Variants in ETS1 observed in about 807,000 individuals in gnomAD.
ETS1 encodes protein C-ets-1.
ETS1 carries 15 observed loss-of-function variants against 58.6 expected under a neutral mutation model. That is an observed-to-expected ratio of 0.26 (90% CI 0.17 to 0.39). ETS1 has a LOEUF of 0.39. Among genes scored for constraint, ETS1 ranks in the 10% least tolerant of loss-of-function variants. ETS1 has a pLI of 1.00. For missense variants in ETS1, 417 were observed against 610.5 expected, an observed-to-expected ratio of 0.68 and a Z score of 3.34; for synonymous variants, 214 against 218.2, an observed-to-expected ratio of 0.98 and a Z score of 0.17.
chr11:128,538,716 T>C (rs1864007438), intron 3 of ETS1, among the ~76,000 whole-genome samples: 1 of 151,596 alleles, frequency 6.6e-6, no homozygotes, highest in Non-Finnish European at 1.5e-5. Flanking sequence ...ACTGGTAGTT[T>C]TATTCAGGTG....
At chr11:128,513,003 G>A (rs556299802) in intron 3 of ETS1, among the ~76,000 whole-genome samples, 92 of 152,350 alleles carry the variant, frequency 6.0e-4, no homozygotes, top group African/African-American at 2.1e-3. Flanking sequence ...AACGGCTCAT[G>A]GAAAAGGGAA....
chr11:128,490,304 G>A (rs574303959), intron 4 of ETS1, among the ~76,000 whole-genome samples, 153 bp downstream of exon 4: 1 of 152,202 alleles, frequency 6.6e-6, no homozygotes, highest in Non-Finnish European at 1.5e-5. Flanking sequence ...CAGTATGTGT[G>A]TCATGATTGT....
chr11:128,585,213 A>AGAAAGAAAGAAAGAAAGAAAGAAAGAAG (rs1865001580), intron 1 of ETS1, among the ~76,000 whole-genome samples: 1 of 139,822 alleles, frequency 7.2e-6, no homozygotes, highest in Admixed American at 6.9e-5. Context: ...AAAGAAAGAA[A>AGAAAGAAAGAAAGAAAGAAAGAAAGAAG]GAAAGAAAGA....
chr11:128,477,497 C>T (rs531872982), intron 8 of ETS1, among the ~76,000 whole-genome samples: 18 of 152,290 alleles, frequency 1.2e-4, no homozygotes, highest in Admixed American at 2.0e-4. Flanking sequence ...ACATTTCATC[C>T]GCTTCCCTAT....
At chr11:128,536,222 T>G (rs1357757355) in intron 3 of ETS1, among the ~76,000 whole-genome samples, 1 of 152,208 alleles carries the variant, frequency 6.6e-6, no homozygotes, top group African/African-American at 2.4e-5. Flanking sequence ...CATGTATACA[T>G]GTATACAAAG....
chr11:128,480,224 C>T lies in ETS1; in HGVS notation c.1090G>A (p.Val364Ile), dbSNP rs1178328464. 1 of 1,614,076 alleles carries T rather than the reference C, an allele frequency of 6.2e-7. No homozygotes were observed. The highest frequency in any genetic ancestry group is 1.1e-5 in the South Asian group (1 of 91,084). ...DRADLNKDKP[V>I]IPAAALAGYT... is the part of the protein sequence containing the mutation. ...CCAGCTAGGGCAGCAGCAGGAATGA[C>T]AGGCTTGTCCTTATTGAGGTCAGCA... Residue 364 changes from valine (V) to isoleucine (I), a missense_variant, in exon 8 of 10, where the codon GTC becomes ATC. Physicochemically the swap from Val to Ile is conservative, Grantham distance 29. Around this residue, in one of 4 missense-constraint regions of ETS1, gnomAD observed 56 missense variants for 156.1 expected, o/e 0.36. Coordinates refer to ENST00000392668, the MANE Select transcript of ETS1 (RefSeq NM_001143820.2).
intron 5 of ETS1, 141 bp from the exon 6 acceptor site, chr11:128,486,287 T>C: frequency 1.6e-6 from 1 of 606,876 alleles, no homozygotes; most frequent in Non-Finnish European, 3.0e-6. Context: ...GGTTGGTATC[T>C]GAGTCTGTCC....
chr11:128,499,151 G>A (rs1215591878), intron 3 of ETS1, among the ~76,000 whole-genome samples: 2 of 152,156 alleles, frequency 1.3e-5, no homozygotes, highest in East Asian at 3.8e-4. Flanking sequence ...GTACCAACAT[G>A]ACATAGGATA....
Position 128,489,356 on chromosome 11 carries a change from A to G in ETS1, c.469T>C (p.Phe157Leu). The change falls in exon 5 of 10, where the codon TTT (phenylalanine) becomes CTT (leucine). Residue 157 changes from phenylalanine (F) to leucine (L), a missense_variant. By Grantham distance (22) the Phe-to-Leu change is conservative. Coordinates refer to ENST00000392668, the MANE Select transcript of ETS1 (RefSeq NM_001143820.2). ...ACAAAGTCTGGGGCCAGCTCGAGAA[A>G]GCAGTCTTTACCCAGGGCGCAGAGG... ...AALCALGKDC[F>L]LELAPDFVGD... The G allele has an allele frequency of 1.9e-6, 3 of 1,614,206 alleles. No homozygotes were observed. The highest frequency in any genetic ancestry group is 2.5e-6 in the Non-Finnish European group (3 of 1,180,018).
chr11:128,486,129 G>T lies in ETS1; in HGVS notation c.553C>A (p.Gln185Lys). Residue 185 changes from glutamine (Q) to lysine (K), a missense_variant, in exon 6 of 10, where the codon CAA (glutamine) becomes AAA (lysine). Gln to Lys is a moderately conservative substitution (Grantham distance 53). Coordinates refer to ENST00000392668, the MANE Select transcript of ETS1 (RefSeq NM_001143820.2). ...ILQKEDVKPY[Q>K]VNGVNPAYPE... ...TAGGCTGGGTTGACTCCATTAACTT[G>T]ATATGGTTTCACATCCTCTGTAATG... The T allele has an allele frequency of 6.2e-7, 1 of 1,607,998 alleles. No homozygotes were observed. Among genetic ancestry groups the T allele is most frequent in the Non-Finnish European group, 8.5e-7 (1 of 1,174,556 alleles).
intron 3 of ETS1, among the ~76,000 whole-genome samples, chr11:128,491,873 A>T (rs1862811057): frequency 6.6e-6 from 1 of 152,194 alleles, no homozygotes; most frequent in Non-Finnish European, 1.5e-5. Context: ...TTGCAAATGT[A>T]TCATCATTTG....
intron 1 of ETS1, among the ~76,000 whole-genome samples, chr11:128,585,225 A>AGAAAGAAAGAAAGAAAGAAAGAAAGAAG (rs1565422083): frequency 4.8e-5 from 3 of 62,934 alleles, no homozygotes; most frequent in East Asian, 1.1e-3. Flanking sequence ...AAAGAAAGAA[A>AGAAAGAAAGAAAGAAAGAAAGAAAGAAG]GAAAGAAAGA....
chr11:128,480,044 C>T (rs568554221), intron 8 of ETS1, 147 bp downstream of exon 8: 3 of 1,076,946 alleles, frequency 2.8e-6, no homozygotes, highest in South Asian at 3.3e-5. Context: ...TGGAGAGAGA[C>T]TAAAGAATTC....
At chr11:128,527,177 A>T (rs1036709111) in intron 3 of ETS1, 18 of 326,262 alleles carry the variant, frequency 5.5e-5, no homozygotes, top group Non-Finnish European at 1.1e-4. Context: ...CAGGATAACC[A>T]CACTATGGTT....
chr11:128,558,980 T>C (rs894621972), intron 2 of ETS1, among the ~76,000 whole-genome samples: 5 of 152,224 alleles, frequency 3.3e-5, no homozygotes, highest in Non-Finnish European at 7.3e-5. Context: ...GAATAGGGTC[T>C]TGAGTGAGAA....
intron 3 of ETS1, among the ~76,000 whole-genome samples, chr11:128,531,322 G>A (rs919612324): frequency 6.6e-6 from 1 of 152,282 alleles, no homozygotes; most frequent in Non-Finnish European, 1.5e-5. Flanking sequence ...TGAGATGAAT[G>A]GGTGCCAAGT....
At chr11:128,580,466 A>T (rs1471639770) in intron 1 of ETS1, among the ~76,000 whole-genome samples, 1 of 152,220 alleles carries the variant, frequency 6.6e-6, no homozygotes, top group Non-Finnish European at 1.5e-5. Flanking sequence ...AAGATCCATC[A>T]TATCTAGGAA....
At chr11:128,497,899 C>T (rs1199759577) in intron 3 of ETS1, among the ~76,000 whole-genome samples, 1 of 150,780 alleles carries the variant, frequency 6.6e-6, no homozygotes, top group Non-Finnish European at 1.5e-5. Context: ...GCAGAACTGC[C>T]CCCTTGGTCC....
intron 3 of ETS1, among the ~76,000 whole-genome samples, chr11:128,541,145 C>G (rs967765458): frequency 6.6e-6 from 1 of 152,180 alleles, no homozygotes; most frequent in Non-Finnish European, 1.5e-5. Flanking sequence ...TTCCCAGTCC[C>G]CTGGTGCTCA....
Sources: allele counts gnomAD v4.1 joint callset (sites outside exome capture counted in the v4.1 genomes callset), GRCh38; gene constraint gnomAD v4.1.1; regional missense constraint gnomAD v4.1.1; transcripts MANE v1.5; gene names NCBI Gene and HGNC (gene_info 2026-07-23, HGNC 2026-07-21).